The following MACROD2 variants were observed in gnomAD, a reference collection of about 807,000 sequenced individuals.
MACROD2 encodes ADP-ribose glycohydrolase MACROD2.
A neutral mutation model predicts 70.4 loss-of-function variants in MACROD2; 36 were observed. That is an observed-to-expected ratio of 0.51 (90% CI 0.39 to 0.68). The LOEUF is 0.68. MACROD2 is among the 30% of genes least tolerant of loss of function. The probability of loss-of-function intolerance (pLI) is 0.00; values close to 1 mark genes in which losing one functional copy is unlikely to be tolerated. For synonymous variants in MACROD2, 172 were observed against 178.8 expected (o/e 0.96, Z 0.30); for missense variants, 496 against 538.4 (o/e 0.92, Z 0.78).
intron 2 of MACROD2, among the ~76,000 whole-genome samples, chr20:14,055,747 T>G (rs987946225): frequency 1.3e-5 from 2 of 151,256 alleles, no homozygotes; most frequent in Admixed American, 6.6e-5. Context: ...AGTACTGTTT[T>G]TTTTTTTTTT....
chr20:14,175,907 G>T (rs1057357757), intron 3 of MACROD2, among the ~76,000 whole-genome samples: 1 of 152,134 alleles, frequency 6.6e-6, no homozygotes, highest in Admixed American at 6.5e-5. Flanking sequence ...GGATGAGATT[G>T]CCAACCTAAT....
chr20:15,502,078 A>G (rs960827580), intron 8 of MACROD2, among the ~76,000 whole-genome samples: 2 of 152,194 alleles, frequency 1.3e-5, no homozygotes, highest in African/African-American at 4.8e-5. Context: ...TCATATTGGT[A>G]GTCTAGAAAA....
intron 5 of MACROD2, among the ~76,000 whole-genome samples, chr20:15,222,940 C>T (rs2076874337): frequency 6.6e-6 from 1 of 152,174 alleles, no homozygotes; most frequent in African/African-American, 2.4e-5. Flanking sequence ...TTTCAATTTA[C>T]ACTTTTGGAA....
chr20:15,687,177 G>A (rs990205310), intron 8 of MACROD2, among the ~76,000 whole-genome samples: 17 of 151,270 alleles, frequency 1.1e-4, no homozygotes, highest in African/African-American at 3.9e-4. Flanking sequence ...ATAATAGTGT[G>A]TCTTGAGCAA....
At chr20:14,464,002 T>G (rs925221964) in intron 3 of MACROD2, among the ~76,000 whole-genome samples, 8 of 152,096 alleles carry the variant, frequency 5.3e-5, no homozygotes, top group Non-Finnish European at 1.0e-4. Context: ...TCTCTTTTTT[T>G]GTTGTGTCTC....
chr20:15,662,536 G>C (rs888231920), intron 8 of MACROD2, among the ~76,000 whole-genome samples: 5 of 152,054 alleles, frequency 3.3e-5, no homozygotes, highest in African/African-American at 1.2e-4. Context: ...AAGACCCATT[G>C]GTATTAGCAT....
intron 2 of MACROD2, among the ~76,000 whole-genome samples, chr20:14,009,982 G>A (rs565933388): frequency 1.6e-3 from 245 of 152,246 alleles, no homozygotes; most frequent in Non-Finnish European, 2.7e-3. Flanking sequence ...AGGTAAGGAT[G>A]GGAGGAGTGA....
Position 15,763,336 on chromosome 20 carries a change from A to G in MACROD2, c.646-99409A>G, listed in dbSNP as rs370042782. Among the ~76,000 whole-genome samples the G allele has an allele frequency of 4.6e-5, 7 of 152,290 alleles. No homozygotes were observed. In the South Asian group the frequency reaches 1.0e-3, roughly 23 times the overall value. On this transcript the variant is annotated intron_variant, in intron 8 of 17. Transcript: ENST00000684519. ...TCAGCAGTGAGTTGAATTGGGAAGT[A>G]ACTTTACAACATCAAAGCCTGCCAT...
chr20:15,345,907 C>A (rs901081821), intron 6 of MACROD2, among the ~76,000 whole-genome samples: 3 of 152,050 alleles, frequency 2.0e-5, no homozygotes, highest in African/African-American at 7.2e-5. Flanking sequence ...AGTAGGAGCA[C>A]TTGCTTATAA....
chr20:14,080,353 G>A (rs967686752), intron 2 of MACROD2, among the ~76,000 whole-genome samples: 1 of 142,640 alleles, frequency 7.0e-6, no homozygotes, highest in Non-Finnish European at 1.5e-5. Flanking sequence ...TGAAGGAGGA[G>A]AATGGCATGA....
chr20:15,623,280 T>C (rs146637845), intron 8 of MACROD2, among the ~76,000 whole-genome samples: 10 of 152,362 alleles, frequency 6.6e-5, no homozygotes, highest in Non-Finnish European at 1.3e-4. Context: ...CTTTGTTACA[T>C]CATAGGCATA....
chr20:15,883,402 T>A (rs2064782732), intron 9 of MACROD2, among the ~76,000 whole-genome samples: 2 of 152,100 alleles, frequency 1.3e-5, no homozygotes, highest in African/African-American at 4.8e-5. Flanking sequence ...TCTAAGAAAT[T>A]GGTATTCTTC....
At chr20:14,305,591 G>A (rs1601455824) in intron 3 of MACROD2, among the ~76,000 whole-genome samples, 1 of 152,190 alleles carries the variant, frequency 6.6e-6, no homozygotes, top group East Asian at 1.9e-4. Context: ...CTATAGTAGA[G>A]CATGGCATAC....
intron 8 of MACROD2, among the ~76,000 whole-genome samples, chr20:15,834,687 C>A (rs1052951943): frequency 1.3e-5 from 2 of 152,162 alleles, no homozygotes; most frequent in Non-Finnish European, 2.9e-5. Context: ...TGAAGGTTGG[C>A]ACATATTAGA....
chr20:14,804,892 T>TGTGTGTGTGTGTGA (rs1555832707), intron 5 of MACROD2, among the ~76,000 whole-genome samples: 2 of 148,628 alleles, frequency 1.3e-5, no homozygotes, highest in Admixed American at 6.7e-5. Context: ...TGTGTGTGTG[T>TGTGTGTGTGTGTGA]GAGAGAGAGA....
chr20:14,548,206 C>T (rs887691757), intron 4 of MACROD2, among the ~76,000 whole-genome samples: 1 of 152,248 alleles, frequency 6.6e-6, no homozygotes, highest in East Asian at 1.9e-4. Context: ...TTCTTCAGAG[C>T]AAGGGCTATG....
At chr20:15,049,957 A>C (rs1600999671) in intron 5 of MACROD2, among the ~76,000 whole-genome samples, 2 of 152,180 alleles carry the variant, frequency 1.3e-5, no homozygotes, top group South Asian at 2.1e-4. Flanking sequence ...CAGGAAAAAA[A>C]AAAAAAAAAG....
chr20:14,243,627 T>C (rs967258591), intron 3 of MACROD2, among the ~76,000 whole-genome samples: 7 of 152,190 alleles, frequency 4.6e-5, no homozygotes, highest in Non-Finnish European at 8.8e-5. Flanking sequence ...GGGTAAATTA[T>C]AGATATAGTA....
chr20:14,775,307 G>T (rs1600651408), intron 5 of MACROD2, among the ~76,000 whole-genome samples: 1 of 152,028 alleles, frequency 6.6e-6, no homozygotes, highest in African/African-American at 2.4e-5. Context: ...CTGAGGCGGG[G>T]TAATTTATTT....
Sources: allele counts gnomAD v4.1 joint callset (sites outside exome capture counted in the v4.1 genomes callset), GRCh38; gene constraint gnomAD v4.1.1; transcripts MANE v1.5; gene names NCBI Gene and HGNC (gene_info 2026-07-23, HGNC 2026-07-21).